Variants in GRIK3 observed in about 807,000 individuals in gnomAD.
GRIK3 encodes the protein glutamate ionotropic receptor kainate type subunit 3, also known as glutamate receptor ionotropic, kainate 3.
A neutral mutation model predicts 102.5 loss-of-function variants in GRIK3; 29 were observed. The ratio of observed to expected loss-of-function variants is 0.28; its 90% CI spans 0.21 to 0.39. The LOEUF (loss-of-function observed/expected upper bound fraction) is 0.39. Among genes scored for constraint, GRIK3 ranks in the 10% least tolerant of loss-of-function variants. GRIK3 has a pLI of 1.00. For missense variants in GRIK3, 908 were observed against 1,252.4 expected (o/e 0.73, Z 4.15); for synonymous variants, 511 against 504.9 (o/e 1.01, Z -0.16).
At chr1:36,860,587 T>C (rs1640711533) in intron 5 of GRIK3, among the ~76,000 whole-genome samples, 1 of 152,178 alleles carries the variant, frequency 6.6e-6, no homozygotes, top group Non-Finnish European at 1.5e-5. Flanking sequence ...AGCCTGTCTG[T>C]CGTGGGCCAG....
At chr1:36,968,179 A>T (rs1642099434) in intron 1 of GRIK3, among the ~76,000 whole-genome samples, 1 of 150,876 alleles carries the variant, frequency 6.6e-6, no homozygotes, top group South Asian at 2.1e-4. Flanking sequence ...ACTTCCTCAC[A>T]GTTTCACCTG....
intron 1 of GRIK3, among the ~76,000 whole-genome samples, chr1:36,919,656 T>C (rs1270560695): frequency 6.6e-6 from 1 of 152,152 alleles, no homozygotes; most frequent in Non-Finnish European, 1.5e-5. Flanking sequence ...AGAACAGAAA[T>C]GCTGCCTCAA....
chr1:36,909,553 G>T (rs149423849), intron 1 of GRIK3, among the ~76,000 whole-genome samples: 2 of 152,166 alleles, frequency 1.3e-5, no homozygotes, highest in South Asian at 4.2e-4. Context: ...TGCCTGCCTC[G>T]GCCTCCCAAA....
intron 1 of GRIK3, among the ~76,000 whole-genome samples, chr1:36,975,885 C>T (rs1233809297): frequency 6.6e-6 from 1 of 152,196 alleles, no homozygotes; most frequent in Non-Finnish European, 1.5e-5. Flanking sequence ...TTCTGTATCC[C>T]AGCATGTAGC....
At chr1:36,925,441 T>A (rs1641517272) in intron 1 of GRIK3, among the ~76,000 whole-genome samples, 1 of 152,234 alleles carries the variant, frequency 6.6e-6, no homozygotes, top group African/African-American at 2.4e-5. Context: ...CAGCTTCTGG[T>A]CAGGCCGCCT....
At chr1:36,842,126 T>C (rs1640461500) in intron 9 of GRIK3, among the ~76,000 whole-genome samples, 187 bp from the exon 10 acceptor site, 1 of 152,132 alleles carries the variant, frequency 6.6e-6, no homozygotes, top group Non-Finnish European at 1.5e-5. Context: ...GGGGGCCTCA[T>C]GAATGGCTAC....
intron 1 of GRIK3, among the ~76,000 whole-genome samples, chr1:36,913,199 T>A (rs556231457): frequency 1.0e-3 from 158 of 152,204 alleles, no homozygotes; most frequent in Middle Eastern, 6.8e-3. Context: ...ACTGGGCTCA[T>A]CTCCAAACCC....
At chr1:36,839,763 G>C (rs1640424721) in intron 10 of GRIK3, among the ~76,000 whole-genome samples, 1 of 152,172 alleles carries the variant, frequency 6.6e-6, no homozygotes, top group South Asian at 2.1e-4. Context: ...TCGAGTTCAT[G>C]CTCTTGACCA....
chr1:37,026,937 T>C (rs1642769958), intron 1 of GRIK3, among the ~76,000 whole-genome samples: 1 of 151,942 alleles, frequency 6.6e-6, no homozygotes, highest in South Asian at 2.1e-4. Context: ...CAATGAAATA[T>C]ATTATTGACT....
chr1:36,880,886 CACAGGCTGCA>C lies in GRIK3; in HGVS notation c.293-5_297del. ...GCCACCACGCCCAGTGCCAGCTGGTCACAGGCTGCAACAGAGGGTAGGGCAGCACAGGGGT... is the reference window on the plus strand; with the variant it reads ...GCCACCACGCCCAGTGCCAGCTGGTCACAGAGGGTAGGGCAGCACAGGGGT... On this transcript the variant is annotated splice_acceptor_variant and splice_polypyrimidine_tract_variant and coding_sequence_variant and intron_variant, in exon 3 of 16. Transcript: ENST00000373091. LOFTEE classifies it high-confidence loss of function. This position sits in a 1 kb window ranked among gnomAD's most constrained non-coding sequence, Gnocchi z 5.4. 6.2e-7 allele frequency: 1 copy of C among 1,604,374 alleles called. No individual in the cohort carries two copies. The highest frequency in any genetic ancestry group is 8.5e-7 in the Non-Finnish European group (1 of 1,175,266).
chr1:36,984,111 T>C (rs1642278616), intron 1 of GRIK3, among the ~76,000 whole-genome samples: 1 of 152,358 alleles, frequency 6.6e-6, no homozygotes, highest in South Asian at 2.1e-4. Context: ...AAACCTTGCA[T>C]GCCTGCAATG....
intron 1 of GRIK3, among the ~76,000 whole-genome samples, chr1:37,003,999 G>T (rs1429844275): frequency 6.6e-6 from 1 of 152,130 alleles, no homozygotes; most frequent in East Asian, 1.9e-4. Flanking sequence ...TGAGGTAGTG[G>T]GGAGGAAGAT....
chr1:36,897,745 A>G (rs1300915403), intron 1 of GRIK3, among the ~76,000 whole-genome samples: 1 of 152,212 alleles, frequency 6.6e-6, no homozygotes, highest in East Asian at 1.9e-4. Context: ...GTTCCTCAAA[A>G]AACTAAAAAT....
At chr1:36,975,287 G>GTTTTTTTTTTTT (rs1642183191) in intron 1 of GRIK3, among the ~76,000 whole-genome samples, 3 of 110,170 alleles carry the variant, frequency 2.7e-5, no homozygotes, top group Admixed American at 8.2e-5. Flanking sequence ...ATCTAAAGTT[G>GTTTTTTTTTTTT]GTTTTTTTTT....
intron 10 of GRIK3, among the ~76,000 whole-genome samples, chr1:36,829,888 A>C (rs1642796942): frequency 6.6e-6 from 1 of 152,166 alleles, no homozygotes; most frequent in African/African-American, 2.4e-5. Context: ...ACATCTTCCT[A>C]CCAGGAATGG....
At chr1:36,804,793 TG>T in intron 15 of GRIK3, 193 bp downstream of exon 15, 1 of 666,822 alleles carries the variant, frequency 1.5e-6, no homozygotes, top group Non-Finnish European at 2.5e-6. Context: ...TGGCCTGGGG[TG>T]GGGCAACGGC....
chr1:36,804,869 A>C, intron 15 of GRIK3, 118 bp downstream of exon 15: 1 of 1,300,554 alleles, frequency 7.7e-7, no homozygotes, highest in Non-Finnish European at 1.1e-6. Flanking sequence ...GACTGGATGC[A>C]GGGTGAGCTG....
rs1352937552 is a variant in GRIK3 at position 36,872,908 on chromosome 1, C to T, written c.551-539G>A. Among the ~76,000 whole-genome samples, 2 of 152,240 alleles carry T rather than the reference C, an allele frequency of 1.3e-5. No individual in the cohort carries two copies. Among genetic ancestry groups the T allele is most frequent in the Non-Finnish European group, 2.9e-5 (2 of 68,042 alleles). On this transcript the variant is annotated intron_variant, in intron 3 of 15. Transcript: ENST00000373091. This position sits in a 1 kb window ranked among gnomAD's most constrained non-coding sequence, Gnocchi z 5.9. ...GCAGCTCCAGCCTCAGTGGTACTAA[C>T]CTGTACCAACCACTGGGCTGGGTAA... is the stretch of plus-strand genomic sequence containing the variant.
chr1:36,902,247 G>C (rs961546819), intron 1 of GRIK3, among the ~76,000 whole-genome samples: 2 of 152,178 alleles, frequency 1.3e-5, no homozygotes, highest in Non-Finnish European at 2.9e-5. Context: ...AGTGTACATA[G>C]AGAGGCAAAA....
Sources: allele counts gnomAD v4.1 joint callset (sites outside exome capture counted in the v4.1 genomes callset), GRCh38; gene constraint gnomAD v4.1.1; non-coding constraint Gnocchi (gnomAD v3.1); transcripts MANE v1.5; gene names NCBI Gene and HGNC (gene_info 2026-07-23, HGNC 2026-07-21).